Variants in ANKRD26 observed in about 807,000 individuals in gnomAD.
The protein encoded by ANKRD26 is ankyrin repeat domain-containing protein 26.
ANKRD26 carries 141 observed loss-of-function variants against 208.7 expected under a neutral mutation model. That is an observed-to-expected ratio of 0.68 (90% CI 0.59 to 0.78). The LOEUF is 0.78. Among genes scored for constraint, ANKRD26 ranks in the 30% least tolerant of loss-of-function variants. The pLI, the probability that ANKRD26 is intolerant of heterozygous loss-of-function variation, is 0.00. For missense variants in ANKRD26, 1,889 were observed against 1,938.7 expected (o/e 0.97, Z 0.48); for synonymous variants, 636 against 660.4 (o/e 0.96, Z 0.57).
At chr10:26,964,584 G>T in the ANKRD26 span, among the ~76,000 whole-genome samples, 1 of 152,166 alleles carries the variant, frequency 6.6e-6, no homozygotes, top group African/African-American at 2.4e-5. Context: ...ATACACAGTG[G>T]CTTCCCATCT....
chr10:26,972,355 C>T (rs1207557009), downstream of ANKRD26, among the ~76,000 whole-genome samples: 2 of 151,516 alleles, frequency 1.3e-5, no homozygotes, highest in African/African-American at 2.4e-5. Flanking sequence ...AATTATAATT[C>T]AGAAGTATAC....
the ANKRD26 span, among the ~76,000 whole-genome samples, chr10:26,965,579 T>C: frequency 6.6e-6 from 1 of 151,756 alleles, no homozygotes; most frequent in African/African-American, 2.4e-5. Context: ...TGGGCAAAAA[T>C]TCATGACAAA....
intron 25 of ANKRD26, among the ~76,000 whole-genome samples, chr10:27,031,645 A>G (rs1169113215): frequency 6.6e-6 from 1 of 152,210 alleles, no homozygotes; most frequent in African/African-American, 2.4e-5. Context: ...AACTCTGTAA[A>G]TAATCTAAGA....
chr10:26,976,779 T>C (rs186704390), intron 5 of ANKRD26, among the ~76,000 whole-genome samples: 9 of 152,316 alleles, frequency 5.9e-5, no homozygotes, highest in Admixed American at 1.3e-4. Flanking sequence ...GGGCTTCATG[T>C]GCATGTTCAT....
chr10:27,016,746 A>AATGGTTGTG (rs1338846121), intron 30 of ANKRD26, among the ~76,000 whole-genome samples: 1 of 152,052 alleles, frequency 6.6e-6, no homozygotes, highest in Non-Finnish European at 1.5e-5. Context: ...AAACTGTTAA[A>AATGGTTGTG]ATGGTTGTGT....
In ANKRD26 at chr10:27,024,508, G is replaced by C; in HGVS notation, c.4024C>G (p.Leu1342Val). 1 of 1,586,340 alleles carries C rather than the reference G, an allele frequency of 6.3e-7. No individual in the cohort carries two copies. Among genetic ancestry groups the C allele is most frequent in the Middle Eastern group, 1.7e-4 (1 of 5,992 alleles). Residue 1342 changes from leucine (L) to valine (V), a missense_variant, in exon 28 of 34, where the codon CTG (leucine) becomes GTG (valine). This residue lies in a region of ANKRD26 where 613 missense variants were observed against 648.2 expected (regional missense o/e 0.95). Coordinates refer to ENST00000376087, the MANE Select transcript of ANKRD26 (RefSeq NM_014915.3). ...ATTTCTTGATCCAAATTACATTCCAGTGACTGTTTTAATTCCATAAGTTTC... is the reference window on the plus strand; with the variant it reads ...ATTTCTTGATCCAAATTACATTCCACTGACTGTTTTAATTCCATAAGTTTC... Reference protein sequence around the residue: ...LKKLMELKQSLECNLDQEMKK... With the variant: ...LKKLMELKQSVECNLDQEMKK...
At chr10:26,958,329 G>A in the ANKRD26 span, among the ~76,000 whole-genome samples, 2 of 151,936 alleles carry the variant, frequency 1.3e-5, no homozygotes, top group African/African-American at 4.8e-5. Flanking sequence ...CAAGTGATCT[G>A]CCTGCCTTGG....
At chr10:27,065,492 C>G (rs2055205405) in intron 11 of ANKRD26, among the ~76,000 whole-genome samples, 2 of 152,132 alleles carry the variant, frequency 1.3e-5, no homozygotes, top group Non-Finnish European at 2.9e-5. Context: ...CCTGTTCCAA[C>G]TTTCCCTTTC....
At chr10:27,023,155 C>G (rs772870781) in intron 28 of ANKRD26, among the ~76,000 whole-genome samples, 5 of 151,910 alleles carry the variant, frequency 3.3e-5, no homozygotes, top group Non-Finnish European at 5.9e-5. Flanking sequence ...ATGGTGAAAC[C>G]CTGTCTCTAC....
intron 9 of ANKRD26, among the ~76,000 whole-genome samples, chr10:27,072,843 A>G (rs2055554685): frequency 6.6e-6 from 1 of 151,738 alleles, no homozygotes; most frequent in Admixed American, 6.5e-5. Context: ...AAAAACACAC[A>G]AAGGCTATTT....
At chr10:27,032,151 A>T (rs1224897259) in intron 25 of ANKRD26, among the ~76,000 whole-genome samples, 1 of 152,212 alleles carries the variant, frequency 6.6e-6, no homozygotes, top group Non-Finnish European at 1.5e-5. Context: ...TCCTAAGACT[A>T]AATATTATTT....
intron 21 of ANKRD26, among the ~76,000 whole-genome samples, chr10:27,039,682 A>T (rs2054164908): frequency 6.6e-6 from 1 of 152,206 alleles, no homozygotes; most frequent in Non-Finnish European, 1.5e-5. Context: ...TCCAGCATTA[A>T]CTATAATACA....
chr10:27,096,173 G>A (rs1221965402), intron 1 of ANKRD26, among the ~76,000 whole-genome samples: 2 of 152,192 alleles, frequency 1.3e-5, no homozygotes, highest in Non-Finnish European at 2.9e-5. Flanking sequence ...AAGTGCAGGA[G>A]ATTCACATCA....
chr10:26,955,226 T>G, the ANKRD26 span, among the ~76,000 whole-genome samples: 1 of 151,858 alleles, frequency 6.6e-6, no homozygotes, highest in Non-Finnish European at 1.5e-5. Flanking sequence ...GTCAGGAGTT[T>G]GAGACCAGCC....
chr10:27,019,284 A>C (rs142227225), intron 29 of ANKRD26, among the ~76,000 whole-genome samples: 156 of 152,176 alleles, frequency 1.0e-3, no homozygotes, highest in African/African-American at 3.6e-3. Context: ...AATAAAATAA[A>C]ATTTTAAAAA....
intron 11 of ANKRD26, among the ~76,000 whole-genome samples, chr10:27,064,667 C>T (rs908389100): frequency 1.3e-5 from 2 of 151,966 alleles, no homozygotes; most frequent in Admixed American, 6.6e-5. Flanking sequence ...TAAACAATGG[C>T]TTAGAAAAAT....
intron 9 of ANKRD26, among the ~76,000 whole-genome samples, chr10:27,068,629 A>T (rs576187237): frequency 4.2e-4 from 64 of 152,214 alleles, no homozygotes; most frequent in African/African-American, 1.4e-3. Context: ...AGGCCAAACC[A>T]CCAAGGACCT....
chr10:27,097,887 A>C (rs1463763974), intron 1 of ANKRD26, among the ~76,000 whole-genome samples: 2 of 152,148 alleles, frequency 1.3e-5, no homozygotes, highest in African/African-American at 2.4e-5. Flanking sequence ...TCCTGGACTT[A>C]AGTGATCCAC....
Position 27,035,400 on chromosome 10 carries a change from ATAG to A in ANKRD26, c.3047_3049del (p.Ala1016_Ile1017delinsVal). The A allele has an allele frequency of 6.2e-7, 1 of 1,613,992 alleles. No homozygotes were observed. ...TGTCTCACTTTGATCACGATCATGT[ATAG>A]CAGCAGCCAATCTAGAATGGTATGA... is the stretch of plus-strand genomic sequence containing the variant. On this transcript the variant is annotated inframe_deletion, in exon 24 of 34. Transcript: ENST00000376087.
Sources: allele counts gnomAD v4.1 joint callset (sites outside exome capture counted in the v4.1 genomes callset), GRCh38; gene constraint gnomAD v4.1.1; regional missense constraint gnomAD v4.1.1; transcripts MANE v1.5; gene names NCBI Gene and HGNC (gene_info 2026-07-23, HGNC 2026-07-21).